Variants in ADSL observed in about 807,000 individuals in gnomAD.
ADSL encodes adenylosuccinase.
Under a neutral mutation model 62.1 loss-of-function variants are expected in ADSL, and 44 were observed. The ratio of observed to expected loss-of-function variants is 0.71; its 90% CI spans 0.56 to 0.91. ADSL has a LOEUF of 0.91. ADSL is among the 40% of genes least tolerant of loss of function. The pLI is 0.00. For synonymous variants in ADSL, 198 were observed against 220.5 expected, an observed-to-expected ratio of 0.90 and a Z score of 0.90; for missense variants, 531 against 627.4, an observed-to-expected ratio of 0.85 and a Z score of 1.64.
Position 40,365,047 on chromosome 22 carries a change from C to G in ADSL, c.1359C>G (p.Ala453=). The change falls in exon 12 of 13, where the codon GCC becomes GCG. Residue 453 remains alanine, a synonymous_variant. Transcript: ENST00000623063. ...ATCCTTCTTCTTTCACTGGTCGTGC[C>G]TCCCAGCAGGTAAGCTTCCAAGAAG... ...LLDPSSFTGR[A]SQQVQRFLEE... 6.2e-7 allele frequency: 1 copy of G among 1,613,724 alleles called. No homozygotes were observed. The highest frequency in any genetic ancestry group is 8.5e-7 in the Non-Finnish European group (1 of 1,179,786).
chr22:40,365,893 T>C (rs1569104538), intron 12 of ADSL, among the ~76,000 whole-genome samples: 1 of 151,846 alleles, frequency 6.6e-6, no homozygotes, highest in Non-Finnish European at 1.5e-5. Flanking sequence ...GATGAATAGA[T>C]AATCCTCATC....
intron 4 of ADSL, among the ~76,000 whole-genome samples, chr22:40,356,032 C>CA (rs1212379585): frequency 0.17 from 9,396 of 55,302 alleles, 489 homozygotes; most frequent in Non-Finnish European, 0.22. Context: ...ACTAAAAATA[C>CA]AAAAAAAAAA....
intron 2 of ADSL, among the ~76,000 whole-genome samples, chr22:40,384,261 CA>C (rs954759900): frequency 6.7e-6 from 1 of 148,324 alleles, no homozygotes; most frequent in Non-Finnish European, 1.5e-5. Context: ...ACAACAACGA[CA>C]AAAAAAAAGG....
At chr22:40,363,971 G>A (rs923038293) in intron 10 of ADSL, among the ~76,000 whole-genome samples, 1 of 152,026 alleles carries the variant, frequency 6.6e-6, no homozygotes, top group Non-Finnish European at 1.5e-5. Context: ...CAGCTACTCG[G>A]GAGGCTGAGG....
chr22:40,348,597 T>A (rs187863478), intron 1 of ADSL: 3 of 398,628 alleles, frequency 7.5e-6, no homozygotes, highest in Admixed American at 8.8e-5. Context: ...TCCAGTGCGG[T>A]CTAGAACTTC....
chr22:40,346,958 T>A (rs1433512083), intron 1 of ADSL, among the ~76,000 whole-genome samples: 1 of 152,188 alleles, frequency 6.6e-6, no homozygotes, highest in Non-Finnish European at 1.5e-5. Context: ...CTGGGAGAAA[T>A]TCAGCCTGTA....
At chr22:40,377,668 T>G (rs1016908682) in intron 2 of ADSL, among the ~76,000 whole-genome samples, 2 of 151,706 alleles carry the variant, frequency 1.3e-5, no homozygotes, top group African/African-American at 4.8e-5. Context: ...GGAACCTGTC[T>G]CTACAAAAAA....
At position 40,349,903 on chromosome 22, in the gene ADSL, G is replaced by A. The variant is rs887502738; in HGVS notation, c.225G>A (p.Lys75=). The A allele has an allele frequency of 3.7e-6, 6 of 1,614,056 alleles. No homozygotes were observed. In the African/African-American group the frequency reaches 8.0e-5, roughly 22 times the overall value. Residue 75 remains lysine (K), a synonymous_variant, in exon 2 of 13, where the codon AAG becomes AAA. Coordinates refer to ENST00000623063, the MANE Select transcript of ADSL (RefSeq NM_000026.4). ...CAAACCTGGAGAACATCGACTTCAA[G>A]ATGGCAGCTGAGGAAGAGAAACGTT... ...MKSNLENIDF[K]MAAEEEKRLR...
chr22:40,364,954 C>T lies in ADSL; in HGVS notation c.1266C>T (p.Asp422=). 6 of 1,614,110 alleles carry T rather than the reference C, an allele frequency of 3.7e-6. No homozygotes were observed. The highest frequency in any genetic ancestry group is 5.1e-6 in the Non-Finnish European group (6 of 1,179,976). Residue 422 remains aspartate (D), a synonymous_variant, in exon 12 of 13, where the codon GAC becomes GAT. Transcript: ENST00000623063. The part of the protein sequence containing the change: ...SVVKQEGGDN[D]LIERIQVDAY... ...TTAAGCAGGAAGGGGGTGACAATGA[C>T]CTCATAGAGCGTATCCAGGTTGATG...
chr22:40,354,363 TGGC>T, intron 4 of ADSL, 36 bp downstream of exon 4: 1 of 1,520,608 alleles, frequency 6.6e-7, no homozygotes, highest in Non-Finnish European at 9.1e-7. Context: ...TATGTGCATA[TGGC>T]TTTCAGCTGC....
downstream of ADSL, among the ~76,000 whole-genome samples, chr22:40,372,327 C>T (rs962584946): frequency 6.6e-6 from 1 of 151,654 alleles, no homozygotes; most frequent in Admixed American, 6.6e-5. Flanking sequence ...GGGGTTTCAC[C>T]GTGTTAGCCA....
chr22:40,358,747 T>G (rs1310400159), intron 4 of ADSL, 117 bp from the exon 5 acceptor site: 4 of 911,978 alleles, frequency 4.4e-6, no homozygotes, highest in Non-Finnish European at 1.8e-6. Context: ...TTACTCCCTC[T>G]CTTACTTAAA....
rs1160870264 is a variant in ADSL at position 40,346,777 on chromosome 22, C to G, written c.153+66C>G. 6 of 1,509,204 alleles carry G rather than the reference C, an allele frequency of 4.0e-6. No individual in the cohort carries two copies. In the African/African-American group the frequency reaches 5.5e-5, roughly 14 times the overall value. The allele number at this position is 1,509,204 out of a possible 1,614,324, so 93.5% of individuals were successfully genotyped here. On this transcript the variant is annotated intron_variant, in intron 1 of 12. Transcript: ENST00000623063. ...GGCCCGCCCCAGCACGTGCCGGGCT[C>G]TGTTCCGGGCTGGGCTTAGCCACCC...
At chr22:40,377,661 A>G (rs1212282094) in intron 2 of ADSL, among the ~76,000 whole-genome samples, 1 of 151,856 alleles carries the variant, frequency 6.6e-6, no homozygotes, top group Non-Finnish European at 1.5e-5. Context: ...CATAATGGGA[A>G]CCTGTCTCTA....
downstream of ADSL, among the ~76,000 whole-genome samples, chr22:40,374,146 G>C (rs1460504858): frequency 6.6e-6 from 1 of 151,684 alleles, no homozygotes; most frequent in South Asian, 2.1e-4. Context: ...TAGTAGAGAC[G>C]GGGCTTCACC....
In ADSL at chr22:40,369,002, A is replaced by G. The variant is rs1312445286; in HGVS notation, c.*2480A>G. On this transcript the variant is annotated 3_prime_UTR_variant, in exon 13 of 13. Transcript: ENST00000623063. ...TTAAGTCATGGGACTCTGACCAGAT[A>G]TTCTGTCTACTTCCTTCTCTGCTAT... 4 of 152,218 alleles carry G rather than the reference A, an allele frequency of 2.6e-5. No homozygotes were observed. Among genetic ancestry groups the G allele is most frequent in the Non-Finnish European group, 1.5e-5 (1 of 68,042 alleles). 9.4% of individuals were successfully genotyped at this position (152,218 alleles called of 1,614,324 possible).
rs768305498 is a variant in ADSL, at chr22:40,346,649, A to C, written c.91A>C (p.Ser31Arg). ...YASPEMCFVF[S>R]DRYKFRTWRQ... is the part of the protein sequence containing the mutation. ...CAGCCCGGAGATGTGCTTCGTGTTT[A>C]GCGACAGGTATAAATTCCGGACATG... The change falls in exon 1 of 13, where the codon AGC (serine) becomes CGC (arginine). Residue 31 changes from serine (S) to arginine (R), a missense_variant. By Grantham distance (110) the Ser-to-Arg change is moderately radical (BLOSUM62 -1). This residue lies in a region of ADSL where 471 missense variants were observed against 592.9 expected (regional missense o/e 0.79). Coordinates refer to ENST00000623063, the MANE Select transcript of ADSL (RefSeq NM_000026.4). 6.2e-7 allele frequency: 1 copy of C among 1,613,098 alleles called. No individual in the cohort carries two copies. Among genetic ancestry groups the C allele is most frequent in the Admixed American group, 1.7e-5 (1 of 59,954 alleles).
Position 40,360,409 on chromosome 22 carries a change from A to G in ADSL, c.709A>G (p.Ile237Val). The G allele has an allele frequency of 6.2e-7, 1 of 1,613,152 alleles. No homozygotes were observed. The highest frequency in any genetic ancestry group is 8.5e-7 in the Non-Finnish European group (1 of 1,179,556). Residue 237 changes from isoleucine to valine, a missense_variant, in exon 7 of 13, where the codon ATC becomes GTC. Physicochemically the swap from Ile to Val is conservative, Grantham distance 29. Around this residue, in one of 2 missense-constraint regions of ADSL, gnomAD observed 471 missense variants for 592.9 expected, o/e 0.79. Transcript: ENST00000623063. ...TEKAGFKRAF[I>V]ITGQTYTRKV... ...TCTTGTACTTATTCCTAGAGCTTTCATCATCACAGGGCAGACATATACACG... is the reference window on the plus strand; with the variant it reads ...TCTTGTACTTATTCCTAGAGCTTTCGTCATCACAGGGCAGACATATACACG...
downstream of ADSL, among the ~76,000 whole-genome samples, chr22:40,372,145 GAGACGGAGTCTCGCTCTGTT>G (rs2045680463): frequency 6.6e-5 from 1 of 15,140 alleles, no homozygotes; most frequent in South Asian, 1.9e-3. Flanking sequence ...TTTTTTTTTT[GAGACGGAGTCTCGCTCTGTT>G]GCCCAGGCTG....
Sources: gnomAD v4.1 joint callset for allele counts (sites outside exome capture counted in the v4.1 genomes callset) on GRCh38, gnomAD v4.1.1 for gene constraint, gnomAD v4.1.1 regional missense constraint, MANE v1.5 for transcripts, NCBI Gene and HGNC (gene_info 2026-07-23, HGNC 2026-07-21) for gene names.